The following MTREX variants were observed in gnomAD, a reference collection of about 807,000 sequenced individuals.
MTREX encodes the protein Mtr4 exosome RNA helicase, also known as exosome RNA helicase MTR4.
Under a neutral mutation model 135.4 loss-of-function variants are expected in MTREX, and 76 were observed. That is an observed-to-expected ratio of 0.56 (90% confidence interval 0.47 to 0.68). The LOEUF (loss-of-function observed/expected upper bound fraction) is 0.68. Ranked by LOEUF, MTREX falls within the 30% of genes least tolerant of loss-of-function variation. The probability of loss-of-function intolerance (pLI) is 0.00; values close to 1 mark genes in which losing one functional copy is unlikely to be tolerated. For synonymous variants in MTREX, 404 were observed against 401.6 expected (o/e 1.01, Z -0.07); for missense variants, 920 against 1,262.1 (o/e 0.73, Z 4.11).
At chr5:55,355,841 A>G (rs1040657098) in intron 14 of MTREX, among the ~76,000 whole-genome samples, 1 of 152,202 alleles carries the variant, frequency 6.6e-6, no homozygotes, top group African/African-American at 2.4e-5. Context: ...CTTGGAATGT[A>G]GAGAGTCAGG....
chr5:55,322,012 T>C (rs1206800916), intron 1 of MTREX, among the ~76,000 whole-genome samples: 1 of 152,210 alleles, frequency 6.6e-6, no homozygotes, highest in Non-Finnish European at 1.5e-5. Flanking sequence ...TAAATGTTTG[T>C]TAAAGGTAAC....
chr5:55,424,237 C>G (rs1255461278), intron 26 of MTREX: 2 of 152,720 alleles, frequency 1.3e-5, no homozygotes, highest in African/African-American at 4.8e-5. Flanking sequence ...ACATCCACCT[C>G]CCAGGTTCAA....
chr5:55,405,041 C>T (rs756908363), intron 21 of MTREX, among the ~76,000 whole-genome samples: 5 of 152,154 alleles, frequency 3.3e-5, no homozygotes, highest in African/African-American at 4.8e-5. Context: ...TCGTGATCCA[C>T]CCACCTCAGC....
rs145295574 is a variant in MTREX at position 55,338,984 on chromosome 5, T to C, written c.516-1026T>C. Among the ~76,000 whole-genome samples, 1,322 of 151,944 alleles carry C rather than the reference T, an allele frequency of 8.7e-3. 11 individuals carry two copies. Among genetic ancestry groups the C allele is most frequent in the Non-Finnish European group, 0.012 (820 of 67,942 alleles). ...TTTTGTATTTTTAGTAGAGACAGGGTTTCCCCATTTTGGCCAAGGCTGGTC... is the reference window on the plus strand; with the variant it reads ...TTTTGTATTTTTAGTAGAGACAGGGCTTCCCCATTTTGGCCAAGGCTGGTC... On this transcript the variant is annotated intron_variant, in intron 5 of 26. Transcript: ENST00000230640.
intron 5 of MTREX, among the ~76,000 whole-genome samples, chr5:55,332,136 A>G (rs1749488521): frequency 1.3e-5 from 2 of 152,120 alleles, no homozygotes; most frequent in South Asian, 4.1e-4. Flanking sequence ...CTCTAGCCCC[A>G]CCCTATAACT....
chr5:55,331,156 G>C (rs984258425), intron 5 of MTREX, among the ~76,000 whole-genome samples: 3 of 151,712 alleles, frequency 2.0e-5, no homozygotes, highest in African/African-American at 7.3e-5. Context: ...TCTGTCATCT[G>C]TCTCATTTTT....
At chr5:55,334,138 C>T (rs894768158) in intron 5 of MTREX, among the ~76,000 whole-genome samples, 1 of 151,988 alleles carries the variant, frequency 6.6e-6, no homozygotes, top group African/African-American at 2.4e-5. Context: ...TAGAGAAAGA[C>T]AGCATATTGG....
chr5:55,333,424 A>G (rs1404932625), intron 5 of MTREX, among the ~76,000 whole-genome samples: 1 of 152,098 alleles, frequency 6.6e-6, no homozygotes, highest in Non-Finnish European at 1.5e-5. Flanking sequence ...TTTTTTCACT[A>G]TTTAATTGTG....
At position 55,358,441 on chromosome 5, in the gene MTREX, ATGT is replaced by A. The variant is rs200863492; in HGVS notation, c.1534-127_1534-125del. 3.7e-3 allele frequency: 2,817 copies of A among 762,630 alleles called. 59 individuals are homozygous for A. In the African/African-American group the frequency reaches 0.046, roughly 12 times the overall value. The allele number at this position is 762,630 out of a possible 1,614,324, so 47.2% of individuals were successfully genotyped here. On this transcript the variant is annotated intron_variant, in intron 14 of 26. Transcript: ENST00000230640. ...TTGACTTTAACTCTTCTCAAACTTC[ATGT>A]TGTTTTTAATCATGTTTCCTTTCTT...
chr5:55,402,945 C>T (rs1162902994), intron 21 of MTREX, among the ~76,000 whole-genome samples: 1 of 150,270 alleles, frequency 6.7e-6, no homozygotes, highest in Non-Finnish European at 1.5e-5. Flanking sequence ...TCCTGTAATC[C>T]CAACACTTTG....
At chr5:55,311,363 C>A (rs1159001312) in intron 1 of MTREX, among the ~76,000 whole-genome samples, 7 of 152,188 alleles carry the variant, frequency 4.6e-5, no homozygotes, top group South Asian at 4.2e-4. Context: ...GTTTTTTGAT[C>A]ATTGGTAGTT....
intron 11 of MTREX, among the ~76,000 whole-genome samples, chr5:55,347,625 C>A (rs112284880): frequency 6.6e-6 from 1 of 152,198 alleles, no homozygotes; most frequent in Middle Eastern, 3.2e-3. Flanking sequence ...TATTCCTATA[C>A]ATTAATTGCA....
In MTREX at chr5:55,362,349, T is replaced by G. The variant is rs972729173; in HGVS notation, c.1659+3651T>G. 7.9e-5 allele frequency among the ~76,000 whole-genome samples: 12 copies of G among 151,914 alleles called. 1 individual carries two copies. Among genetic ancestry groups the G allele is most frequent in the African/African-American group, 2.9e-4 (12 of 41,332 alleles). On this transcript the variant is annotated intron_variant, in intron 15 of 26. Transcript: ENST00000230640. ...ATTTGACATAAGGCAGCAGTTTTTT[T>G]GTTTTTTTTGTTTGTTTGTTTTTTG...
Position 55,366,346 on chromosome 5 carries a change from C to T in MTREX, c.1660-379C>T, listed in dbSNP as rs140234098. 1.3e-3 allele frequency among the ~76,000 whole-genome samples: 205 copies of T among 152,112 alleles called. 2 individuals carry two copies. In the Middle Eastern group the frequency reaches 0.024, roughly 18 times the overall value. On this transcript the variant is annotated intron_variant, in intron 15 of 26. Coordinates refer to ENST00000230640, the MANE Select transcript of MTREX (RefSeq NM_015360.5). ...CTCTACAAAATAATAAAAAATTAGC[C>T]GGGGATGGTGGCACATGCTTGTAAT...
At chr5:55,374,291 ATTT>A (rs57731408) in intron 16 of MTREX, among the ~76,000 whole-genome samples, 1 of 138,920 alleles carries the variant, frequency 7.2e-6, no homozygotes, top group Non-Finnish European at 1.6e-5. Context: ...TATATAAACA[ATTT>A]TTTTTTTTTT....
chr5:55,359,983 A>G (rs1749981863), intron 15 of MTREX, among the ~76,000 whole-genome samples: 1 of 152,134 alleles, frequency 6.6e-6, no homozygotes, highest in Non-Finnish European at 1.5e-5. Context: ...ACTCATTTCC[A>G]TGGTTTTTAA....
chr5:55,330,113 C>T (rs1403094422), intron 5 of MTREX, among the ~76,000 whole-genome samples: 4 of 152,002 alleles, frequency 2.6e-5, no homozygotes, highest in African/African-American at 7.2e-5. Flanking sequence ...GGGTCTTGCT[C>T]TGTCGCCCAG....
Position 55,308,082 on chromosome 5 carries a change from C to G in MTREX, c.69C>G (p.Thr23=). Residue 23 remains threonine (T), a synonymous_variant, in exon 1 of 27, where the codon ACC becomes ACG. Transcript: ENST00000230640. ...GCGACTCGACCACTGCGGCGGGAACCAAAAAAGACAAGGAAAAGGACAAGG... is the reference window on the plus strand; with the variant it reads ...GCGACTCGACCACTGCGGCGGGAACGAAAAAAGACAAGGAAAAGGACAAGG... ...FEGDSTTAAG[T]KKDKEKDKGK... is the part of the protein sequence containing the mutation. 6.2e-7 allele frequency: 1 copy of G among 1,612,912 alleles called. No homozygotes were observed. Among genetic ancestry groups the G allele is most frequent in the Non-Finnish European group, 8.5e-7 (1 of 1,179,654 alleles).
At chr5:55,323,512 C>A (rs1414129132) in intron 2 of MTREX, among the ~76,000 whole-genome samples, 4 of 152,178 alleles carry the variant, frequency 2.6e-5, no homozygotes, top group Admixed American at 2.6e-4. Flanking sequence ...ATCTCAGCCT[C>A]CCCAGGGTCA....
Sources: gnomAD v4.1 joint callset for allele counts (sites outside exome capture counted in the v4.1 genomes callset) on GRCh38, gnomAD v4.1.1 for gene constraint, MANE v1.5 for transcripts, NCBI Gene and HGNC (gene_info 2026-07-23, HGNC 2026-07-21) for gene names.